The following MACROD2 variants were observed in gnomAD, a reference collection of about 807,000 sequenced individuals.
MACROD2 encodes ADP-ribose glycohydrolase MACROD2.
A neutral mutation model predicts 70.4 loss-of-function variants in MACROD2; 36 were observed. That is an observed-to-expected ratio of 0.51 (90% CI 0.39 to 0.68). The LOEUF (loss-of-function observed/expected upper bound fraction) is 0.68, where lower values mean the gene tolerates loss of function less well. Ranked by LOEUF, MACROD2 falls within the 30% of genes least tolerant of loss-of-function variation. The pLI is 0.00. For synonymous variants in MACROD2, 172 were observed against 178.8 expected (o/e 0.96, Z 0.30); for missense variants, 496 against 538.4 (o/e 0.92, Z 0.78).
At chr20:15,658,328 A>G (rs915632658) in intron 8 of MACROD2, among the ~76,000 whole-genome samples, 4 of 151,660 alleles carry the variant, frequency 2.6e-5, no homozygotes, top group African/African-American at 9.7e-5. Context: ...CCTTAAACAC[A>G]TGACTGCTTT....
intron 5 of MACROD2, among the ~76,000 whole-genome samples, chr20:15,079,338 C>T (rs906531421): frequency 6.6e-6 from 1 of 152,030 alleles, no homozygotes; most frequent in South Asian, 2.1e-4. Flanking sequence ...CTAAGCCCCC[C>T]AGTTCCTTGA....
chr20:15,430,678 A>G (rs6043274), intron 6 of MACROD2, among the ~76,000 whole-genome samples: 12,078 of 152,088 alleles, frequency 0.079, 1,545 homozygotes, highest in African/African-American at 0.27. Flanking sequence ...TAAATGTTTA[A>G]AGACTGGCTG....
At chr20:15,799,121 C>G (rs1476813329) in intron 8 of MACROD2, among the ~76,000 whole-genome samples, 2 of 152,102 alleles carry the variant, frequency 1.3e-5, no homozygotes, top group East Asian at 3.9e-4. Context: ...GAAATTGGGC[C>G]TATAGTTTTA....
At chr20:16,016,295 T>C (rs935360036) in intron 15 of MACROD2, among the ~76,000 whole-genome samples, 1 of 152,170 alleles carries the variant, frequency 6.6e-6, no homozygotes, top group African/African-American at 2.4e-5. Context: ...ATCTTGTCAG[T>C]GTTGGACTGT....
intron 5 of MACROD2, among the ~76,000 whole-genome samples, chr20:15,051,278 C>A (rs2075437862): frequency 6.6e-6 from 1 of 151,474 alleles, no homozygotes; most frequent in East Asian, 1.9e-4. Context: ...GGCTAGTTTC[C>A]CCCAACTTTA....
rs186240314 is a variant in MACROD2 at position 14,297,711 on chromosome 20, G to A, written c.272-195768G>A. Among the ~76,000 whole-genome samples, 67 of 152,040 alleles carry A rather than the reference G, an allele frequency of 4.4e-4. 2 individuals carry two copies. Among genetic ancestry groups the A allele is most frequent in the African/African-American group, 1.5e-3 (61 of 41,362 alleles). On this transcript the variant is annotated intron_variant, in intron 3 of 17. Coordinates refer to ENST00000684519, the MANE Select transcript of MACROD2 (RefSeq NM_001351661.2). ...AGCACAAGGTAAAGCAGCCAGTGTCGTTGTAGAAACTGCTGCAAGTTATCA... is the reference window on the plus strand; with the variant it reads ...AGCACAAGGTAAAGCAGCCAGTGTCATTGTAGAAACTGCTGCAAGTTATCA...
At chr20:15,303,609 A>G (rs796268084) in intron 6 of MACROD2, among the ~76,000 whole-genome samples, 10 of 152,274 alleles carry the variant, frequency 6.6e-5, no homozygotes, top group East Asian at 1.9e-4. Flanking sequence ...CACTTTTTCA[A>G]TCTATTTGTT....
At chr20:15,190,986 G>T (rs751217722) in intron 5 of MACROD2, among the ~76,000 whole-genome samples, 14 of 152,196 alleles carry the variant, frequency 9.2e-5, no homozygotes, top group Non-Finnish European at 1.6e-4. Flanking sequence ...GACTAACCCT[G>T]ATAGAGGCCA....
rs575473266 is a variant in MACROD2 at position 15,857,666 on chromosome 20, G to T, written c.646-5079G>T. ...CAAATCTCATGGAAATTTCTCTGTG[G>T]CCAGCCCTAACCCAGAACCATTCAG... is the stretch of plus-strand genomic sequence containing the variant. On this transcript the variant is annotated intron_variant, in intron 8 of 17. Transcript: ENST00000684519. Among the ~76,000 whole-genome samples the T allele has an allele frequency of 5.9e-5, 9 of 152,252 alleles. No individual in the cohort carries two copies. In the South Asian group the frequency reaches 1.9e-3, roughly 32 times the overall value.
At chr20:15,055,220 G>GCCTCTGAAAGATACTTGA (rs2075475061) in intron 5 of MACROD2, among the ~76,000 whole-genome samples, 1 of 152,106 alleles carries the variant, frequency 6.6e-6, no homozygotes, top group Non-Finnish European at 1.5e-5. Flanking sequence ...AAAGTGCTGG[G>GCCTCTGAAAGATACTTGA]ATTATAGGCA....
At chr20:13,999,540 T>C (rs1279935373) in intron 1 of MACROD2, among the ~76,000 whole-genome samples, 1 of 152,208 alleles carries the variant, frequency 6.6e-6, no homozygotes, top group African/African-American at 2.4e-5. Flanking sequence ...GGCGAAATAT[T>C]GTGAGGTTAA....
At position 16,041,284 on chromosome 20, in the gene MACROD2, GT is replaced by G; in HGVS notation, c.1231+8del. The stretch of plus-strand genomic sequence containing the variant: ...AAATACTCCAGGTCCTGATGGTAAG[GT>G]TCTGAGCTATTGGAGCCCATGGAAA... On this transcript the variant is annotated splice_region_variant and intron_variant, in intron 16 of 17. Coordinates refer to ENST00000684519, the MANE Select transcript of MACROD2 (RefSeq NM_001351661.2). 6.2e-7 allele frequency: 1 copy of G among 1,609,322 alleles called. No individual in the cohort carries two copies.
intron 8 of MACROD2, among the ~76,000 whole-genome samples, chr20:15,635,742 G>T (rs767135186): frequency 4.6e-5 from 7 of 152,096 alleles, no homozygotes; most frequent in Non-Finnish European, 1.0e-4. Flanking sequence ...AATAGAAGTT[G>T]AAATTATTTT....
chr20:15,000,595 A>G lies in MACROD2; in HGVS notation c.419-229345A>G, dbSNP rs1202510700. On this transcript the variant is annotated intron_variant, in intron 5 of 17. Coordinates refer to ENST00000684519, the MANE Select transcript of MACROD2 (RefSeq NM_001351661.2). ...CCGAGATTGCGCCACTGCAGTCCGC[A>G]GTCCGGCCTGGGCGACAGAGCGAGA... is the stretch of plus-strand genomic sequence containing the variant. Among the ~76,000 whole-genome samples the G allele has an allele frequency of 2.4e-5, 3 of 126,576 alleles. No homozygotes were observed. In the East Asian group the frequency reaches 8.1e-4, roughly 34 times the overall value. 83.0% of individuals were successfully genotyped at this position (126,576 alleles called of 152,430 possible).
chr20:15,992,740 C>T (rs1178401354), intron 15 of MACROD2, among the ~76,000 whole-genome samples: 2 of 152,160 alleles, frequency 1.3e-5, no homozygotes, highest in Non-Finnish European at 2.9e-5. Flanking sequence ...TCTGGTCTTG[C>T]CCTGAGGTGT....
At chr20:14,720,569 T>TTTTTTTTTTTC (rs531072431) in intron 5 of MACROD2, among the ~76,000 whole-genome samples, 1 of 84,094 alleles carries the variant, frequency 1.2e-5, no homozygotes, top group Non-Finnish European at 2.4e-5. Flanking sequence ...TTTTTTTTTT[T>TTTTTTTTTTTC]TGTGAGGCAG....
chr20:15,434,866 T>C (rs1287901560), intron 7 of MACROD2, among the ~76,000 whole-genome samples: 1 of 152,160 alleles, frequency 6.6e-6, no homozygotes, highest in Non-Finnish European at 1.5e-5. Context: ...TAATGTCTTT[T>C]GCAGCAATGT....
chr20:14,228,061 G>C (rs2081759517), intron 3 of MACROD2, among the ~76,000 whole-genome samples: 1 of 152,038 alleles, frequency 6.6e-6, no homozygotes, highest in Non-Finnish European at 1.5e-5. Context: ...ACATGGTTCT[G>C]TAAAAAACTG....
chr20:14,115,306 G>A (rs2054500778), intron 3 of MACROD2, among the ~76,000 whole-genome samples: 2 of 152,196 alleles, frequency 1.3e-5, no homozygotes, highest in African/African-American at 4.8e-5. Flanking sequence ...AACAAAATGG[G>A]GAAAACCGTA....
Sources: allele counts gnomAD v4.1 joint callset (sites outside exome capture counted in the v4.1 genomes callset), GRCh38; gene constraint gnomAD v4.1.1; transcripts MANE v1.5; gene names NCBI Gene and HGNC (gene_info 2026-07-23, HGNC 2026-07-21).